GAP43: variants seen among roughly 807,000 people sequenced by gnomAD.
GAP43 encodes the protein neuromodulin.
GAP43 carries 6 observed loss-of-function variants against 18.6 expected under a neutral mutation model. The ratio of observed to expected loss-of-function variants is 0.32; its 90% confidence interval spans 0.18 to 0.64. The LOEUF (loss-of-function observed/expected upper bound fraction) is 0.64. Among genes scored for constraint, GAP43 ranks in the 30% least tolerant of loss-of-function variants. The probability of loss-of-function intolerance (pLI) is 0.78; values close to 1 mark genes in which losing one functional copy is unlikely to be tolerated. For synonymous variants in GAP43, 115 were observed against 111.4 expected (o/e 1.03, Z -0.20); for missense variants, 292 against 295.5 (o/e 0.99, Z 0.09).
intron 2 of GAP43, among the ~76,000 whole-genome samples, chr3:115,686,025 AG>A (rs1709028475): frequency 6.6e-6 from 1 of 152,190 alleles, no homozygotes; most frequent in African/African-American, 2.4e-5. Flanking sequence ...CTTTATTTGT[AG>A]TTTTTGCCAA....
intron 1 of GAP43, among the ~76,000 whole-genome samples, chr3:115,661,979 A>G (rs1415590647): frequency 1.3e-5 from 2 of 151,808 alleles, no homozygotes; most frequent in African/African-American, 4.8e-5. Context: ...GGGAATGTCT[A>G]AAGTTTGTTT....
At chr3:115,665,993 TGTGTG>T (rs375282445) in intron 1 of GAP43, among the ~76,000 whole-genome samples, 10,523 of 138,982 alleles carry the variant, frequency 0.076, 648 homozygotes, top group East Asian at 0.32. Flanking sequence ...TAAATGAGTG[TGTGTG>T]TGTGTGTGTG....
intron 1 of GAP43, among the ~76,000 whole-genome samples, chr3:115,636,841 T>A (rs996339077): frequency 6.6e-6 from 1 of 152,086 alleles, no homozygotes; most frequent in African/African-American, 2.4e-5. Flanking sequence ...CTCTCTCAGT[T>A]GTCATTTCCT....
In GAP43 at chr3:115,676,505, ACTG is replaced by A. The variant is rs763241062; in HGVS notation, c.534_536del (p.Ala179del). 6.2e-7 allele frequency: 1 copy of A among 1,613,646 alleles called. No individual in the cohort carries two copies. Among genetic ancestry groups the A allele is most frequent in the African/African-American group, 1.3e-5 (1 of 74,998 alleles). ...ACAAGCCGATGTGCCTGCTGCTGTC[ACTG>A]CTGCTGCTGCCACCACCCCTGCCGC... On this transcript the variant is annotated inframe_deletion, in exon 2 of 3. Transcript: ENST00000305124.
chr3:115,716,734 A>T lies in GAP43; in HGVS notation c.629-4060A>T, dbSNP rs1419917965. 8.0e-5 allele frequency among the ~76,000 whole-genome samples: 8 copies of T among 100,492 alleles called. 1 individual carries two copies. The highest frequency in any genetic ancestry group is 3.5e-4 in the African/African-American group (7 of 20,118). 65.9% of individuals were successfully genotyped at this position (100,492 alleles called of 152,430 possible). A position where few individuals can be genotyped will look rare whatever the true frequency, so the allele number is the denominator to read the frequency against. Reference sequence around the variant, plus strand: ...CTCAGACAAATATATATATATATATATATATATATATATATATATATATAT... The same window carrying T: ...CTCAGACAAATATATATATATATATTTATATATATATATATATATATATAT... On this transcript the variant is annotated intron_variant, in intron 2 of 2. Transcript: ENST00000305124.
intron 2 of GAP43, among the ~76,000 whole-genome samples, chr3:115,705,577 A>G (rs1467753234): frequency 6.6e-6 from 1 of 152,200 alleles, no homozygotes; most frequent in African/African-American, 2.4e-5. Context: ...ATCTCATTAG[A>G]TGAGATCTAG....
intron 2 of GAP43, among the ~76,000 whole-genome samples, chr3:115,684,615 C>T (rs1262738015): frequency 6.6e-6 from 1 of 152,130 alleles, no homozygotes; most frequent in Non-Finnish European, 1.5e-5. Flanking sequence ...TAGAGAATGG[C>T]TCCAGGAACA....
chr3:115,719,388 C>T (rs1709549990), intron 2 of GAP43, among the ~76,000 whole-genome samples: 3 of 152,168 alleles, frequency 2.0e-5, no homozygotes, highest in Admixed American at 2.0e-4. Context: ...CTCATCATTC[C>T]TTAACTGATA....
intron 2 of GAP43, among the ~76,000 whole-genome samples, chr3:115,690,333 G>T (rs1226348152): frequency 6.7e-6 from 1 of 149,018 alleles, no homozygotes; most frequent in Non-Finnish European, 1.5e-5. Flanking sequence ...GACAGGAAAA[G>T]AAAAGGATTG....
At chr3:115,631,334 A>G (rs1708258178) in intron 1 of GAP43, among the ~76,000 whole-genome samples, 1 of 152,090 alleles carries the variant, frequency 6.6e-6, no homozygotes, top group Non-Finnish European at 1.5e-5. Context: ...AACCTTTCTG[A>G]GCCTAGTATA....
intron 2 of GAP43, 61 bp downstream of exon 2, chr3:115,676,671 G>A (rs1175755287): frequency 6.9e-7 from 1 of 1,457,298 alleles, no homozygotes; most frequent in Non-Finnish European, 9.1e-7. Context: ...CTATTCGGAA[G>A]ACCAGGCCAC....
At chr3:115,665,530 C>G (rs1475972395) in intron 1 of GAP43, among the ~76,000 whole-genome samples, 1 of 152,032 alleles carries the variant, frequency 6.6e-6, no homozygotes, top group African/African-American at 2.4e-5. Context: ...CATTATCATT[C>G]TCAGAGGAAT....
At chr3:115,646,601 T>C (rs1480100586) in intron 1 of GAP43, among the ~76,000 whole-genome samples, 1 of 151,840 alleles carries the variant, frequency 6.6e-6, no homozygotes, top group Non-Finnish European at 1.5e-5. Context: ...ACTGAAGAAA[T>C]AGAGGAAAGC....
chr3:115,639,127 G>A (rs1708365950), intron 1 of GAP43, among the ~76,000 whole-genome samples: 1 of 152,076 alleles, frequency 6.6e-6, no homozygotes, highest in African/African-American at 2.4e-5. Flanking sequence ...CTAAGGCAAA[G>A]GTTGGCCAGC....
intron 1 of GAP43, among the ~76,000 whole-genome samples, chr3:115,626,351 G>A (rs146317710): frequency 8.8e-4 from 134 of 152,230 alleles, no homozygotes; most frequent in Middle Eastern, 3.4e-3. Flanking sequence ...CCACTTGAGC[G>A]GCATAAAGAA....
chr3:115,715,777 G>T lies in GAP43; in HGVS notation c.629-5017G>T, dbSNP rs115633043. Among the ~76,000 whole-genome samples, 1,192 of 152,214 alleles carry T rather than the reference G, an allele frequency of 7.8e-3. 13 individuals carry two copies. Among genetic ancestry groups the T allele is most frequent in the Non-Finnish European group, 8.0e-3 (543 of 68,012 alleles). ...TTTAATGGTACAATTTTTAAACGTT[G>T]TAATCTTCAGACCTACATAGCTGTG... On this transcript the variant is annotated intron_variant, in intron 2 of 2. Transcript: ENST00000305124.
intron 1 of GAP43, among the ~76,000 whole-genome samples, chr3:115,627,837 C>T (rs1464304253): frequency 6.6e-6 from 1 of 152,092 alleles, no homozygotes; most frequent in Non-Finnish European, 1.5e-5. Context: ...GCTTTTGTAC[C>T]TTTGTAATTA....
At chr3:115,679,644 G>A (rs1041710462) in intron 2 of GAP43, among the ~76,000 whole-genome samples, 1 of 152,168 alleles carries the variant, frequency 6.6e-6, no homozygotes, top group Non-Finnish European at 1.5e-5. Context: ...GCTGAGCAGT[G>A]TCACTGTGCT....
chr3:115,692,859 G>A (rs1210679952), intron 2 of GAP43, among the ~76,000 whole-genome samples: 1 of 152,178 alleles, frequency 6.6e-6, no homozygotes, highest in African/African-American at 2.4e-5. Flanking sequence ...CAGCATACCT[G>A]TTAAAGTGAC....
Sources: allele counts gnomAD v4.1 joint callset (sites outside exome capture counted in the v4.1 genomes callset), GRCh38; gene constraint gnomAD v4.1.1; transcripts MANE v1.5; gene names NCBI Gene and HGNC (gene_info 2026-07-23, HGNC 2026-07-21).